Variants in MCM4 observed in about 807,000 individuals in gnomAD.
MCM4 encodes minichromosome maintenance complex component 4.
In MCM4, 60 loss-of-function variants were observed where a neutral mutation model predicts 88.7. The observed-to-expected ratio is 0.68, with a 90% CI of 0.55 to 0.84. The LOEUF (loss-of-function observed/expected upper bound fraction) is 0.84, where lower values mean the gene tolerates loss of function less well. Among genes scored for constraint, MCM4 ranks in the 40% least tolerant of loss-of-function variants. The pLI is 0.00. For synonymous variants in MCM4, 465 were observed against 410.5 expected (o/e 1.13, Z -1.61); for missense variants, 1,149 against 1,105.5 (o/e 1.04, Z -0.56).
At chr8:47,971,009 ATTTCAGCT>A in intron 12 of MCM4, 133 bp downstream of exon 12, 1 of 1,102,442 alleles carries the variant, frequency 9.1e-7, no homozygotes, top group Non-Finnish European at 1.3e-6. Flanking sequence ...TCCACATCAT[ATTTCAGCT>A]AAATCTCAAC....
rs1356892224 is a variant in MCM4, at chr8:47,961,534, G to A, written c.89G>A (p.Arg30Lys). 3.7e-6 allele frequency: 6 copies of A among 1,614,018 alleles called. No individual in the cohort carries two copies. The highest frequency in any genetic ancestry group is 1.3e-5 in the African/African-American group (1 of 74,944). ...ACACAAGCTCGGAGTGAGGATGCCA[G>A]GTCATCTCCCTCTCAGAGACGTAGA... The part of the protein sequence containing the change: ...PAQTPRSEDA[R>K]SSPSQRRRGE... Residue 30 changes from arginine to lysine, a missense_variant, in exon 3 of 17, where the codon AGG becomes AAG. Physicochemically the swap from Arg to Lys is conservative, Grantham distance 26. Around this residue, in one of 3 missense-constraint regions of MCM4, gnomAD observed 906 missense variants for 843.0 expected, o/e 1.07. Transcript: ENST00000649973.
chr8:47,968,374 T>C lies in MCM4; in HGVS notation c.1174+889T>C, dbSNP rs144305521. ...TAAAAGTACTTGAAGTCATGGAGAA[T>C]TTGAAAGAATGCGTAGTTTTTAGTG... is the stretch of plus-strand genomic sequence containing the variant. On this transcript the variant is annotated intron_variant, in intron 10 of 16. Transcript: ENST00000649973. Among the ~76,000 whole-genome samples, 85 of 152,280 alleles carry C rather than the reference T, an allele frequency of 5.6e-4. 1 individual carries two copies. Among genetic ancestry groups the C allele is most frequent in the African/African-American group, 2.0e-3 (84 of 41,558 alleles).
chr8:47,966,866 T>C (rs1266736490), intron 9 of MCM4, among the ~76,000 whole-genome samples: 1 of 152,252 alleles, frequency 6.6e-6, no homozygotes, highest in Non-Finnish European at 1.5e-5. Flanking sequence ...AAATTGCTTA[T>C]TTACCGTGAT....
intron 16 of MCM4, 44 bp from the exon 17 acceptor site, chr8:47,976,642 G>A (rs373446724): frequency 7.5e-7 from 1 of 1,340,326 alleles, no homozygotes; most frequent in Non-Finnish European, 1.1e-6. Flanking sequence ...GGTAAAGGAG[G>A]GACTTGACGT....
At chr8:47,968,425 C>CTA (rs1344131067) in intron 10 of MCM4, among the ~76,000 whole-genome samples, 1 of 152,204 alleles carries the variant, frequency 6.6e-6, no homozygotes, top group African/African-American at 2.4e-5. Context: ...TCCAGTCCTG[C>CTA]TACCCTGAAA....
intron 12 of MCM4, among the ~76,000 whole-genome samples, 184 bp from the exon 13 acceptor site, chr8:47,971,157 C>G (rs1213817954): frequency 6.6e-6 from 1 of 152,184 alleles, no homozygotes; most frequent in Non-Finnish European, 1.5e-5. Flanking sequence ...AAACTCAGTC[C>G]TTGGCATGAA....
intron 1 of MCM4, 22 bp from the exon 2 acceptor site, chr8:47,961,109 C>T: frequency 1.3e-6 from 2 of 1,532,184 alleles, no homozygotes; most frequent in Admixed American, 1.9e-5. Context: ...GGGCCCGGCC[C>T]GAGCTTGTCC....
intron 12 of MCM4, 32 bp from the exon 13 acceptor site, chr8:47,971,309 G>A: frequency 6.2e-7 from 1 of 1,612,540 alleles, no homozygotes; most frequent in Non-Finnish European, 8.5e-7. Context: ...GCGTCAGGGA[G>A]AGGCTTCTAA....
chr8:47,964,464 C>T, intron 7 of MCM4, 110 bp from the exon 8 acceptor site: 1 of 763,998 alleles, frequency 1.3e-6, no homozygotes. Flanking sequence ...TAGGGTAATA[C>T]TTTGGGGACA....
At position 47,962,235 on chromosome 8, in the gene MCM4, G is replaced by A; in HGVS notation, c.399+19G>A. Reference sequence around the variant, plus strand: ...TGACGGGGTGAGTATGCAGTCTCCTGAAACCATCTTATGGCGGGTATCATG... The same window carrying A: ...TGACGGGGTGAGTATGCAGTCTCCTAAAACCATCTTATGGCGGGTATCATG... On this transcript the variant is annotated intron_variant, in intron 4 of 16. Coordinates refer to ENST00000649973, the MANE Select transcript of MCM4 (RefSeq NM_182746.3). 1 of 1,614,136 alleles carries A rather than the reference G, an allele frequency of 6.2e-7. No individual in the cohort carries two copies.
intron 1 of MCM4, 23 bp from the exon 2 acceptor site, chr8:47,961,108 C>G (rs1160799882): frequency 6.5e-7 from 1 of 1,530,722 alleles, no homozygotes. Context: ...CGGGCCCGGC[C>G]CGAGCTTGTC....
intron 7 of MCM4, among the ~76,000 whole-genome samples, chr8:47,963,495 A>T (rs541578586): frequency 2.0e-5 from 3 of 151,414 alleles, no homozygotes; most frequent in South Asian, 4.2e-4. Context: ...TAAGATGAAC[A>T]TTTTTTTTTC....
intron 7 of MCM4, among the ~76,000 whole-genome samples, chr8:47,964,256 T>A (rs2090876194): frequency 6.6e-6 from 1 of 152,128 alleles, no homozygotes; most frequent in African/African-American, 2.4e-5. Flanking sequence ...AAAAACTTAC[T>A]TTGGTATCAC....
intron 11 of MCM4, 72 bp downstream of exon 11, chr8:47,970,129 C>T (rs939511038): frequency 2.1e-4 from 318 of 1,515,606 alleles, no homozygotes; most frequent in Non-Finnish European, 2.6e-4. Context: ...ACATCCACTC[C>T]GCCACTCGAG....
chr8:47,961,913 G>T, intron 3 of MCM4, 140 bp from the exon 4 acceptor site: 1 of 926,394 alleles, frequency 1.1e-6, no homozygotes, highest in Non-Finnish European at 1.6e-6. Context: ...GAACATTTAA[G>T]AGTGCTCAGA....
At position 47,969,791 on chromosome 8, in the gene MCM4, C is replaced by A; in HGVS notation, c.1175-7C>A. On this transcript the variant is annotated splice_polypyrimidine_tract_variant and splice_region_variant and intron_variant, in intron 10 of 16. Coordinates refer to ENST00000649973, the MANE Select transcript of MCM4 (RefSeq NM_182746.3). ...GGTAAAAGTGCATCTCCTGGTTGTG[C>A]CCTCAGGCATCTATCGAGCTGTGCC... The A allele has an allele frequency of 6.2e-7, 1 of 1,613,300 alleles. No individual in the cohort carries two copies. The highest frequency in any genetic ancestry group is 8.5e-7 in the Non-Finnish European group (1 of 1,179,220).
In MCM4 at chr8:47,962,070, G is replaced by C; in HGVS notation, c.253G>C (p.Asp85His). ...MHSSAIPLDF[D>H]VSSPLTYGTP... ...TTTTATAGCTATCCCTCTTGACTTT[G>C]ATGTTAGTTCACCACTGACATACGG... Residue 85 changes from aspartate to histidine, a missense_variant, in exon 4 of 17, where the codon GAT (aspartate) becomes CAT (histidine). Asp to His is a moderately conservative substitution (Grantham distance 81). Transcript: ENST00000649973. The C allele has an allele frequency of 6.2e-7, 1 of 1,614,066 alleles. No homozygotes were observed. Among genetic ancestry groups the C allele is most frequent in the East Asian group, 2.2e-5 (1 of 44,878 alleles).
intron 3 of MCM4, 145 bp from the exon 4 acceptor site, chr8:47,961,907 AT>A: frequency 2.2e-6 from 2 of 920,498 alleles, no homozygotes; most frequent in Non-Finnish European, 3.3e-6. Context: ...TTAATAGAAC[AT>A]TTAAGAGTGC....
chr8:47,976,215 C>T (rs1167730883), intron 16 of MCM4, among the ~76,000 whole-genome samples: 1 of 151,740 alleles, frequency 6.6e-6, no homozygotes, highest in Admixed American at 6.6e-5. Context: ...ATTGCTTGAA[C>T]CTGGGAGGCG....
Sources: gnomAD v4.1 joint callset for allele counts (sites outside exome capture counted in the v4.1 genomes callset) on GRCh38, gnomAD v4.1.1 for gene constraint, gnomAD v4.1.1 regional missense constraint, MANE v1.5 for transcripts, NCBI Gene and HGNC (gene_info 2026-07-23, HGNC 2026-07-21) for gene names.